The following SEMA3E variants were observed in gnomAD, a reference collection of about 807,000 sequenced individuals.
The protein encoded by SEMA3E is semaphorin-3E.
Under a neutral mutation model 93.6 loss-of-function variants are expected in SEMA3E, and 49 were observed. That is an observed-to-expected ratio of 0.52 (90% CI 0.42 to 0.66). The LOEUF is 0.66. SEMA3E is among the 30% of genes least tolerant of loss of function. The pLI, the probability that SEMA3E is intolerant of heterozygous loss-of-function variation, is 0.00. For synonymous variants in SEMA3E, 363 were observed against 330.7 expected, an observed-to-expected ratio of 1.10 and a Z score of -1.06; for missense variants, 906 against 964.8, an observed-to-expected ratio of 0.94 and a Z score of 0.81.
At chr7:83,523,765 T>A (rs1301211951) in intron 1 of SEMA3E, among the ~76,000 whole-genome samples, 1 of 152,142 alleles carries the variant, frequency 6.6e-6, no homozygotes, top group African/African-American at 2.4e-5. Context: ...ATTGTATCTA[T>A]GATTTCCACT....
rs56867715 is a variant in SEMA3E, at chr7:83,363,860, A to ATTTTTT, written c.*3720_*3725dup. 1.6e-4 allele frequency: 12 copies of ATTTTTT among 76,962 alleles called. No individual in the cohort carries two copies. Among genetic ancestry groups the ATTTTTT allele is most frequent in the African/African-American group, 6.0e-4 (12 of 20,106 alleles). 4.8% of individuals were successfully genotyped at this position (76,962 alleles called of 1,614,324 possible). A position where few individuals can be genotyped will look rare whatever the true frequency, so the allele number is the denominator to read the frequency against. ...GGCTACAGGTGTCACAGGTCAATTC[A>ATTTTTT]TTTTTTTTTTTTTTTTTTTTTTTTT... is the stretch of plus-strand genomic sequence containing the variant. On this transcript the variant is annotated 3_prime_UTR_variant, in exon 17 of 17. Transcript: ENST00000643230.
intron 1 of SEMA3E, among the ~76,000 whole-genome samples, chr7:83,542,268 G>A (rs1353863799): frequency 6.6e-6 from 1 of 152,012 alleles, no homozygotes; most frequent in Admixed American, 6.6e-5. Context: ...ACTGAGGTGG[G>A]AGTATCACTG....
intron 9 of SEMA3E, among the ~76,000 whole-genome samples, chr7:83,404,090 T>C (rs2115633812): frequency 1.3e-5 from 2 of 152,086 alleles, no homozygotes; most frequent in South Asian, 4.1e-4. Context: ...TTCACTGAAT[T>C]ATCATGCAAC....
chr7:83,522,720 CA>C (rs1791074231), intron 1 of SEMA3E, among the ~76,000 whole-genome samples: 1 of 152,030 alleles, frequency 6.6e-6, no homozygotes, highest in Non-Finnish European at 1.5e-5. Context: ...AGAAAAATAG[CA>C]ATTGTTAAAT....
chr7:83,412,524 T>G (rs1166390981), intron 5 of SEMA3E, among the ~76,000 whole-genome samples: 1 of 151,858 alleles, frequency 6.6e-6, no homozygotes, highest in African/African-American at 2.4e-5. Flanking sequence ...GGCCGGAGGA[T>G]CGCTTGAGTT....
At chr7:83,428,712 G>A (rs2722963) in intron 4 of SEMA3E, among the ~76,000 whole-genome samples, 96,864 of 151,974 alleles carry the variant, frequency 0.64, 33,337 homozygotes, top group East Asian at 1. Context: ...TTGACTGTAA[G>A]GCTAATAGTT....
chr7:83,453,105 G>C (rs1789398621), intron 4 of SEMA3E, among the ~76,000 whole-genome samples: 1 of 152,082 alleles, frequency 6.6e-6, no homozygotes, highest in African/African-American at 2.4e-5. Context: ...TCGGCTCACT[G>C]TAACCTCTGC....
intron 1 of SEMA3E, among the ~76,000 whole-genome samples, chr7:83,640,113 G>A (rs528881229): frequency 4.6e-5 from 7 of 151,914 alleles, no homozygotes; most frequent in African/African-American, 1.4e-4. Context: ...AAGAGTCAGT[G>A]TCCTCAGCTG....
chr7:83,454,084 C>T (rs1789423357), intron 4 of SEMA3E, among the ~76,000 whole-genome samples: 1 of 150,738 alleles, frequency 6.6e-6, no homozygotes, highest in South Asian at 2.1e-4. Context: ...CGGTGAAAAC[C>T]CGTCTCTACT....
chr7:83,648,913 AAAC>A lies in SEMA3E; in HGVS notation c.-374_-372del, dbSNP rs1794118418. On this transcript the variant is annotated 5_prime_UTR_variant, in exon 1 of 17. Transcript: ENST00000643230. Reference sequence around the variant, plus strand: ...AAAAAAAAAAAGAGAGAAAAAAACAAAACCGAGCACACGCACTCCCTTCTCCCG... The same window carrying A: ...AAAAAAAAAAAGAGAGAAAAAAACAACGAGCACACGCACTCCCTTCTCCCG... 4.4e-6 allele frequency: 1 copy of A among 225,984 alleles called. No individual in the cohort carries two copies. The highest frequency in any genetic ancestry group is 8.8e-6 in the Non-Finnish European group (1 of 113,082). The allele number at this position is 225,984 out of a possible 1,614,324, so 14.0% of individuals were successfully genotyped here.
At chr7:83,625,502 C>G (rs1033925199) in intron 1 of SEMA3E, among the ~76,000 whole-genome samples, 20 of 152,210 alleles carry the variant, frequency 1.3e-4, no homozygotes, top group Middle Eastern at 3.4e-3. Context: ...CATGATTTGG[C>G]TCTCTGTCTA....
At chr7:83,435,202 T>C (rs1788980800) in intron 4 of SEMA3E, among the ~76,000 whole-genome samples, 1 of 152,232 alleles carries the variant, frequency 6.6e-6, no homozygotes, top group African/African-American at 2.4e-5. Context: ...TAATACATGA[T>C]TTTGCACAAT....
intron 11 of SEMA3E, among the ~76,000 whole-genome samples, chr7:83,397,834 T>C (rs896263736): frequency 6.6e-6 from 1 of 152,174 alleles, no homozygotes; most frequent in African/African-American, 2.4e-5. Flanking sequence ...ATAATAAAAC[T>C]GGATTATAAT....
chr7:83,412,914 A>T (rs1788470276), intron 5 of SEMA3E, among the ~76,000 whole-genome samples: 1 of 152,130 alleles, frequency 6.6e-6, no homozygotes, highest in Admixed American at 6.6e-5. Flanking sequence ...ATTAATTTTA[A>T]TAGATTAAAA....
chr7:83,371,436 G>A (rs1376843053), intron 16 of SEMA3E: 1 of 152,092 alleles, frequency 6.6e-6, no homozygotes, highest in Non-Finnish European at 1.5e-5. Context: ...CAACCATAGA[G>A]ATACATATTT....
At chr7:83,478,509 T>C (rs1246616582) in intron 2 of SEMA3E, among the ~76,000 whole-genome samples, 1 of 152,232 alleles carries the variant, frequency 6.6e-6, no homozygotes, top group Non-Finnish European at 1.5e-5. Context: ...TTTTCAAATG[T>C]GTACAGATTG....
chr7:83,593,260 G>GTCTC (rs1186592715), intron 1 of SEMA3E, among the ~76,000 whole-genome samples: 49 of 96,342 alleles, frequency 5.1e-4, no homozygotes, highest in African/African-American at 1.5e-3. Context: ...CTCTCTCTCT[G>GTCTC]TCTCTCTCTC....
chr7:83,436,029 A>G (rs997417262), intron 4 of SEMA3E, among the ~76,000 whole-genome samples: 2 of 152,126 alleles, frequency 1.3e-5, no homozygotes, highest in African/African-American at 4.8e-5. Flanking sequence ...TGATGTGTTT[A>G]TATCATATGA....
chr7:83,505,152 A>T (rs1457983516), intron 1 of SEMA3E, among the ~76,000 whole-genome samples: 1 of 152,316 alleles, frequency 6.6e-6, no homozygotes, highest in African/African-American at 2.4e-5. Context: ...TTTTAATAAA[A>T]GGTCATAGAT....
Sources: gnomAD v4.1 joint callset for allele counts (sites outside exome capture counted in the v4.1 genomes callset) on GRCh38, gnomAD v4.1.1 for gene constraint, MANE v1.5 for transcripts, NCBI Gene and HGNC (gene_info 2026-07-23, HGNC 2026-07-21) for gene names.